Variants in ZNF3 observed in about 807,000 individuals in gnomAD.
ZNF3 encodes the protein zinc finger protein 3.
Under a neutral mutation model 36.9 loss-of-function variants are expected in ZNF3, and 16 were observed. The ratio of observed to expected loss-of-function variants is 0.43; its 90% CI spans 0.29 to 0.66. The LOEUF (loss-of-function observed/expected upper bound fraction) is 0.66. Ranked by LOEUF, ZNF3 falls within the 30% of genes least tolerant of loss-of-function variation. ZNF3 has a pLI of 0.13. For synonymous variants in ZNF3, 201 were observed against 201.9 expected (o/e 1.00, Z 0.04); for missense variants, 462 against 543.1 (o/e 0.85, Z 1.48).
Position 100,070,311 on chromosome 7 carries a change from C to T in ZNF3, c.*832G>A. 2 of 985,536 alleles carry T rather than the reference C, an allele frequency of 2.0e-6. No homozygotes were observed. Among genetic ancestry groups the T allele is most frequent in the Non-Finnish European group, 2.4e-6 (2 of 830,048 alleles). The allele number at this position is 985,536 out of a possible 1,614,324, so 61.0% of individuals were successfully genotyped here. A position where few individuals can be genotyped will look rare whatever the true frequency, so the allele number is the denominator to read the frequency against. The stretch of plus-strand genomic sequence containing the variant: ...GCAGGGCAAGCAGGCCAAGTGAGCT[C>T]CTTGAAAGCATCCTTACCCAGGCAT... On this transcript the variant is annotated 3_prime_UTR_variant, in exon 6 of 6. Coordinates refer to ENST00000299667, the MANE Select transcript of ZNF3 (RefSeq NM_032924.5).
Position 100,070,773 on chromosome 7 carries a change from C to G in ZNF3, c.*370G>C, listed in dbSNP as rs952105449. The G allele has an allele frequency of 9.9e-5, 102 of 1,028,014 alleles. No homozygotes were observed. The highest frequency in any genetic ancestry group is 1.2e-4 in the Non-Finnish European group (102 of 855,440). The allele number at this position is 1,028,014 out of a possible 1,614,324, so 63.7% of individuals were successfully genotyped here. A position where few individuals can be genotyped will look rare whatever the true frequency, so the allele number is the denominator to read the frequency against. On this transcript the variant is annotated 3_prime_UTR_variant, in exon 6 of 6. Transcript: ENST00000299667. The stretch of plus-strand genomic sequence containing the variant: ...AACAGGACCCAGAGCGTCCTTTCCA[C>G]TGCTGTCTGTGCTGACTACGCGGAC...
At chr7:100,065,833 C>T (rs140965785), downstream of ZNF3, among the ~76,000 whole-genome samples, 24 of 149,594 alleles carry the variant, frequency 1.6e-4, no homozygotes, top group East Asian at 4.5e-3. Flanking sequence ...TCCCACTGGG[C>T]CCACTGAGAT....
At chr7:100,078,511 GAAAA>G (rs1306175071) in intron 2 of ZNF3, among the ~76,000 whole-genome samples, 4 of 146,058 alleles carry the variant, frequency 2.7e-5, no homozygotes, top group African/African-American at 1.0e-4. Context: ...AAAAAAAAAA[GAAAA>G]AGAAAAGAAA....
chr7:100,066,441 C>T (rs908860407), downstream of ZNF3, among the ~76,000 whole-genome samples: 3 of 151,666 alleles, frequency 2.0e-5, no homozygotes, highest in Non-Finnish European at 4.4e-5. Flanking sequence ...TTAATTTAAA[C>T]AAAAATAAGG....
chr7:100,080,410 C>T (rs994794788), intron 1 of ZNF3, among the ~76,000 whole-genome samples: 2 of 152,084 alleles, frequency 1.3e-5, no homozygotes, highest in African/African-American at 2.4e-5. Context: ...GGGAGGATTA[C>T]TTGAGCCCAG....
downstream of ZNF3, among the ~76,000 whole-genome samples, chr7:100,068,881 A>G (rs959723449): frequency 2.6e-5 from 4 of 151,796 alleles, no homozygotes; most frequent in Non-Finnish European, 4.4e-5. Context: ...CAATGGAGCA[A>G]TCTTGGTTCA....
Position 100,071,464 on chromosome 7 carries a change from A to G in ZNF3, c.1020T>C (p.Tyr340=). 1.9e-6 allele frequency: 3 copies of G among 1,613,952 alleles called. No homozygotes were observed. The highest frequency in any genetic ancestry group is 3.3e-4 in the Middle Eastern group (2 of 6,060). Residue 340 remains tyrosine, a synonymous_variant, in exon 6 of 6, where the codon TAT becomes TAC. Coordinates refer to ENST00000299667, the MANE Select transcript of ZNF3 (RefSeq NM_032924.5). ...AGGCTTTCCCACATTCATTACATTC[A>G]TAGGGTTTTTCTCCAGTGTGGATTC... ...HQRIHTGEKP[Y]ECNECGKAFS...
chr7:100,074,667 A>T (rs1297257459), intron 5 of ZNF3, among the ~76,000 whole-genome samples: 1 of 151,696 alleles, frequency 6.6e-6, no homozygotes, highest in African/African-American at 2.4e-5. Flanking sequence ...ATATATGAGA[A>T]CTCTTTATAA....
Position 100,070,322 on chromosome 7 carries a change from T to C in ZNF3, c.*821A>G, listed in dbSNP as rs762196478. On this transcript the variant is annotated 3_prime_UTR_variant, in exon 6 of 6. Coordinates refer to ENST00000299667, the MANE Select transcript of ZNF3 (RefSeq NM_032924.5). Reference sequence around the variant, plus strand: ...AGGCCAAGTGAGCTCCTTGAAAGCATCCTTACCCAGGCATTTAGAGAAAAT... The same window carrying C: ...AGGCCAAGTGAGCTCCTTGAAAGCACCCTTACCCAGGCATTTAGAGAAAAT... 1.0e-6 allele frequency: 1 copy of C among 985,540 alleles called. No homozygotes were observed. The allele number at this position is 985,540 out of a possible 1,614,324, so 61.0% of individuals were successfully genotyped here.
In ZNF3 at chr7:100,072,222, TA is replaced by T. The variant is rs1316422819; in HGVS notation, c.272-11del. On this transcript the variant is annotated splice_polypyrimidine_tract_variant and intron_variant, in intron 5 of 5. Coordinates refer to ENST00000299667, the MANE Select transcript of ZNF3 (RefSeq NM_032924.5). Reference sequence around the variant, plus strand: ...GTCCTGGTCTCACGATCTGACACAATAAAAAATGCAAATGTCACTTGTTCCT... The same window carrying T: ...GTCCTGGTCTCACGATCTGACACAATAAAAATGCAAATGTCACTTGTTCCT... 3.2e-6 allele frequency: 5 copies of T among 1,557,920 alleles called. No homozygotes were observed. The East Asian group carries it at 9.0e-5, about 28-fold the overall frequency.
chr7:100,068,706 G>T (rs564561578), downstream of ZNF3, among the ~76,000 whole-genome samples: 2 of 151,800 alleles, frequency 1.3e-5, no homozygotes, highest in Admixed American at 6.6e-5. Context: ...CTCTGTTATC[G>T]TGTGGTGGTG....
In ZNF3 at chr7:100,075,861, G is replaced by C. The variant is rs187871701; in HGVS notation, c.56-231C>G. Among the ~76,000 whole-genome samples, 245 of 152,294 alleles carry C rather than the reference G, an allele frequency of 1.6e-3. 1 individual carries two copies. Among genetic ancestry groups the C allele is most frequent in the African/African-American group, 5.6e-3 (233 of 41,578 alleles). On this transcript the variant is annotated intron_variant, in intron 3 of 5. Coordinates refer to ENST00000299667, the MANE Select transcript of ZNF3 (RefSeq NM_032924.5). ...ATGGCCACAGGCCTGGTCATTCTTAGTCTCCAGTCTGTCCCAGGTCCCCTC... is the reference window on the plus strand; with the variant it reads ...ATGGCCACAGGCCTGGTCATTCTTACTCTCCAGTCTGTCCCAGGTCCCCTC...
downstream of ZNF3, among the ~76,000 whole-genome samples, chr7:100,067,961 C>T (rs1157895320): frequency 6.6e-6 from 1 of 152,112 alleles, no homozygotes; most frequent in Non-Finnish European, 1.5e-5. Context: ...TAAGAGGGGG[C>T]AATAAATGGG....
downstream of ZNF3, among the ~76,000 whole-genome samples, chr7:100,066,702 A>G (rs1290730248): frequency 6.6e-6 from 1 of 150,820 alleles, no homozygotes; most frequent in Non-Finnish European, 1.5e-5. Context: ...ACGCCACTGC[A>G]CTCCAGCCTG....
rs1792906615 is a variant in ZNF3 at position 100,070,178 on chromosome 7, T to G, written c.*965A>C. On this transcript the variant is annotated 3_prime_UTR_variant, in exon 6 of 6. Coordinates refer to ENST00000299667, the MANE Select transcript of ZNF3 (RefSeq NM_032924.5). The stretch of plus-strand genomic sequence containing the variant: ...TTTTTGTTTTTTTGTTTTTTTTTTC[T>G]CCCTTTTGGGCTTTGCTCTTTCTCT... The G allele has an allele frequency of 1.0e-6, 1 of 970,372 alleles. No individual in the cohort carries two copies. The highest frequency in any genetic ancestry group is 1.8e-5 in the African/African-American group (1 of 56,034). 60.1% of individuals were successfully genotyped at this position (970,372 alleles called of 1,614,324 possible).
rs530928935 is a variant in ZNF3 at position 100,080,996 on chromosome 7, A to G, written c.-198+639T>C. 1.8e-3 allele frequency among the ~76,000 whole-genome samples: 273 copies of G among 152,258 alleles called. 1 individual carries two copies. Among genetic ancestry groups the G allele is most frequent in the Middle Eastern group, 6.8e-3 (2 of 294 alleles). On this transcript the variant is annotated intron_variant, in intron 1 of 5. Transcript: ENST00000299667. ...ACTCTGCTATCTTCTCCTGGAGTTT[A>G]CAAAAGCCCTTCAGAGTGTAAACAC... is the stretch of plus-strand genomic sequence containing the variant.
At chr7:100,075,410 A>G in intron 4 of ZNF3, 132 bp downstream of exon 4, 1 of 1,516,860 alleles carries the variant, frequency 6.6e-7, no homozygotes, top group Non-Finnish European at 9.1e-7. Context: ...AGTCCAAGAT[A>G]GAAGGTGAGG....
chr7:100,064,510 ACCGGGGAAAAGC>A (rs1449688683), exon 6 of ZNF3: 3 of 1,614,132 alleles, frequency 1.9e-6, no homozygotes, highest in Non-Finnish European at 2.5e-6. Flanking sequence ...CAGAATCCAC[ACCGGGGAAAAGC>A]CCTACTGGTG....
In ZNF3 at chr7:100,070,055, C is replaced by A; in HGVS notation, c.*1088G>T. 1 of 985,908 alleles carries A rather than the reference C, an allele frequency of 1.0e-6. No individual in the cohort carries two copies. The highest frequency in any genetic ancestry group is 1.2e-6 in the Non-Finnish European group (1 of 829,942). The allele number at this position is 985,908 out of a possible 1,614,324, so 61.1% of individuals were successfully genotyped here. On this transcript the variant is annotated 3_prime_UTR_variant, in exon 6 of 6. Transcript: ENST00000299667. ...GGGTTGGGAAAACACAATGGAAGGT[C>A]ATCCCGTCGGTTGGGAAAACTCGGG...
Sources: gnomAD v4.1 joint callset for allele counts (sites outside exome capture counted in the v4.1 genomes callset) on GRCh38, gnomAD v4.1.1 for gene constraint, MANE v1.5 for transcripts, NCBI Gene and HGNC (gene_info 2026-07-23, HGNC 2026-07-21) for gene names.